The following IL1RAP variants were observed in gnomAD, a reference collection of about 807,000 sequenced individuals.
The protein encoded by IL1RAP is interleukin 1 receptor accessory protein, also known as interleukin-1 receptor accessory protein.
IL1RAP carries 35 observed loss-of-function variants against 60.7 expected under a neutral mutation model. The observed-to-expected ratio is 0.58, with a 90% CI of 0.44 to 0.76. The LOEUF (loss-of-function observed/expected upper bound fraction) is 0.76, where lower values mean the gene tolerates loss of function less well. Among genes scored for constraint, IL1RAP ranks in the 30% least tolerant of loss-of-function variants. The pLI is 0.00. For missense variants in IL1RAP, 572 were observed against 693.9 expected (o/e 0.82, Z 1.97); for synonymous variants, 268 against 250.9 (o/e 1.07, Z -0.64).
At chr3:190,534,180 G>A (rs1426918033) in intron 1 of IL1RAP, among the ~76,000 whole-genome samples, 6 of 152,086 alleles carry the variant, frequency 3.9e-5, no homozygotes, top group South Asian at 2.1e-4. Flanking sequence ...GGGTCCTACC[G>A]ATCGGTGCTG....
At chr3:190,579,896 A>G (rs1475732291) in intron 3 of IL1RAP, among the ~76,000 whole-genome samples, 1 of 152,246 alleles carries the variant, frequency 6.6e-6, no homozygotes, top group Non-Finnish European at 1.5e-5. Context: ...TACAGCTATG[A>G]TATAGCATGT....
intron 3 of IL1RAP, among the ~76,000 whole-genome samples, chr3:190,578,887 A>G (rs1039981726): frequency 3.9e-5 from 6 of 152,170 alleles, no homozygotes; most frequent in African/African-American, 1.4e-4. Flanking sequence ...TGACAACAGC[A>G]TGGGAAAAAC....
chr3:190,586,999 C>T (rs1028147793), intron 3 of IL1RAP, among the ~76,000 whole-genome samples: 13 of 152,162 alleles, frequency 8.5e-5, no homozygotes, highest in African/African-American at 2.9e-4. Context: ...TTAATGAGTG[C>T]CCACCCACTT....
At chr3:190,632,965 C>A (rs1052108015) in intron 9 of IL1RAP, among the ~76,000 whole-genome samples, 9 of 152,148 alleles carry the variant, frequency 5.9e-5, no homozygotes, top group African/African-American at 1.9e-4. Flanking sequence ...TAGTCCAATG[C>A]CACTTTATCC....
At chr3:190,619,314 T>C (rs1239087229) in intron 5 of IL1RAP, among the ~76,000 whole-genome samples, 1 of 152,222 alleles carries the variant, frequency 6.6e-6, no homozygotes, top group Non-Finnish European at 1.5e-5. Context: ...GTTCAATTTC[T>C]CAATTTTAAA....
At position 190,602,719 on chromosome 3, in the gene IL1RAP, G is replaced by T. The variant is rs181971375; in HGVS notation, c.65-1409G>T. ...GATGTAACTCTTTTCTTTCAAAATG[G>T]CATTACTTATGACACTAAATATATC... On this transcript the variant is annotated intron_variant, in intron 3 of 11. Transcript: ENST00000447382. Among the ~76,000 whole-genome samples the T allele has an allele frequency of 4.5e-4, 68 of 152,226 alleles. No homozygotes were observed. The East Asian group carries it at 0.012, about 28-fold the overall frequency.
At chr3:190,636,197 T>C (rs909243112) in intron 9 of IL1RAP, among the ~76,000 whole-genome samples, 1 of 152,252 alleles carries the variant, frequency 6.6e-6, no homozygotes, top group Non-Finnish European at 1.5e-5. Context: ...TTTCGAGTGG[T>C]GTCCAGTAAA....
chr3:190,604,746 T>C (rs1042574835), intron 4 of IL1RAP, among the ~76,000 whole-genome samples: 1 of 152,100 alleles, frequency 6.6e-6, no homozygotes, highest in African/African-American at 2.4e-5. Context: ...TCTCCAGACA[T>C]TGAACAGGGC....
At chr3:190,548,555 A>G (rs1019207255) in intron 1 of IL1RAP, among the ~76,000 whole-genome samples, 7 of 152,220 alleles carry the variant, frequency 4.6e-5, no homozygotes, top group South Asian at 2.1e-4. Context: ...TACTTATTGC[A>G]TAACAAAATT....
chr3:190,624,521 C>G (rs868372231), intron 7 of IL1RAP: 1 of 152,112 alleles, frequency 6.6e-6, no homozygotes, highest in African/African-American at 2.4e-5. Context: ...TTGACTCTGA[C>G]AGCTTTCACA....
intron 1 of IL1RAP, among the ~76,000 whole-genome samples, chr3:190,531,310 A>G (rs910835126): frequency 6.6e-6 from 1 of 152,186 alleles, no homozygotes; most frequent in African/African-American, 2.4e-5. Context: ...TTCTCACTTT[A>G]AAGATCTCTT....
intron 1 of IL1RAP, among the ~76,000 whole-genome samples, chr3:190,535,550 A>T (rs954030845): frequency 1.3e-5 from 2 of 152,190 alleles, no homozygotes; most frequent in Non-Finnish European, 2.9e-5. Context: ...ACTACGACTT[A>T]TAACTCACTC....
chr3:190,581,904 C>CTA (rs1434737842), intron 3 of IL1RAP, among the ~76,000 whole-genome samples: 1 of 152,096 alleles, frequency 6.6e-6, no homozygotes, highest in African/African-American at 2.4e-5. Context: ...AGGGTCCCTG[C>CTA]TATTCACCGT....
At chr3:190,654,318 T>G (rs977800643), downstream of IL1RAP, among the ~76,000 whole-genome samples, 1 of 151,850 alleles carries the variant, frequency 6.6e-6, no homozygotes, top group Non-Finnish European at 1.5e-5. Context: ...AGCAGTAGAC[T>G]TCCCACTTTC....
At chr3:190,575,972 C>G (rs949252677) in intron 3 of IL1RAP, among the ~76,000 whole-genome samples, 1 of 152,094 alleles carries the variant, frequency 6.6e-6, no homozygotes, top group Non-Finnish European at 1.5e-5. Context: ...AGAAAGGAAG[C>G]CAGCTCTGCA....
intron 7 of IL1RAP, chr3:190,624,916 A>G (rs9824751): frequency 0.094 from 15,883 of 169,350 alleles, 943 homozygotes; most frequent in African/African-American, 0.15. Flanking sequence ...ACATGCACGC[A>G]GTTGCCAGGC....
intron 1 of IL1RAP, among the ~76,000 whole-genome samples, chr3:190,515,389 A>T (rs570274794): frequency 6.6e-6 from 1 of 152,262 alleles, no homozygotes; most frequent in Non-Finnish European, 1.5e-5. Context: ...AACTATTGTA[A>T]ATATTGTTAC....
At chr3:190,640,768 T>C (rs976177038) in intron 9 of IL1RAP, among the ~76,000 whole-genome samples, 3 of 152,124 alleles carry the variant, frequency 2.0e-5, no homozygotes, top group Admixed American at 6.5e-5. Context: ...ACCTGGAAAT[T>C]TGGGCTTTGA....
At chr3:190,618,617 T>C (rs1243294961) in intron 5 of IL1RAP, among the ~76,000 whole-genome samples, 1 of 152,228 alleles carries the variant, frequency 6.6e-6, no homozygotes, top group African/African-American at 2.4e-5. Context: ...TTGAACTGTT[T>C]AAATGAAAAG....
Sources: gnomAD v4.1 joint callset for allele counts (sites outside exome capture counted in the v4.1 genomes callset) on GRCh38, gnomAD v4.1.1 for gene constraint, MANE v1.5 for transcripts, NCBI Gene and HGNC (gene_info 2026-07-23, HGNC 2026-07-21) for gene names.